KLHL13: variants seen among roughly 807,000 people sequenced by gnomAD.
KLHL13 encodes kelch like family member 13.
KLHL13 carries 10 observed loss-of-function variants against 37.1 expected under a neutral mutation model. That is an observed-to-expected ratio of 0.27 (90% CI 0.17 to 0.46). The LOEUF (loss-of-function observed/expected upper bound fraction) is 0.46. KLHL13 is among the 20% of genes least tolerant of loss of function. The probability of loss-of-function intolerance (pLI) is 1.00; values close to 1 mark genes in which losing one functional copy is unlikely to be tolerated. For missense variants in KLHL13, 360 were observed against 509.3 expected, an observed-to-expected ratio of 0.71 and a Z score of 2.82; for synonymous variants, 163 against 181.2, an observed-to-expected ratio of 0.90 and a Z score of 0.81.
At chrX:117,995,678 AG>A (rs2053846933) in intron 1 of KLHL13, among the ~76,000 whole-genome samples, 1 of 111,296 alleles carries the variant, frequency 9.0e-6, no homozygotes, top group Admixed American at 9.6e-5. Context: ...CCCTGCCCCT[AG>A]CCCCTTGCAT....
At chrX:117,999,671 A>T (rs2053897908) in intron 1 of KLHL13, among the ~76,000 whole-genome samples, 1 of 110,371 alleles carries the variant, frequency 9.1e-6, no homozygotes, top group Non-Finnish European at 1.9e-5. Context: ...GTGCACATGT[A>T]CCCTAAAACT....
chrX:117,966,306 A>T (rs1275954623), intron 1 of KLHL13, among the ~76,000 whole-genome samples: 1 of 111,700 alleles, frequency 9.0e-6, no homozygotes, highest in Admixed American at 9.5e-5. Flanking sequence ...ACTCCCATTC[A>T]CAATTGCTTC....
At chrX:118,067,195 T>C (rs1335482464) in intron 1 of KLHL13, among the ~76,000 whole-genome samples, 1 of 112,205 alleles carries the variant, frequency 8.9e-6, no homozygotes, top group Non-Finnish European at 1.9e-5. Flanking sequence ...TAGGCAACTG[T>C]AACATAATAG....
At chrX:118,101,366 C>A (rs1425671959) in intron 1 of KLHL13, among the ~76,000 whole-genome samples, 1 of 111,451 alleles carries the variant, frequency 9.0e-6, no homozygotes, top group Non-Finnish European at 1.9e-5. Context: ...GAGCAGGTAT[C>A]ATGACAGACA....
intron 1 of KLHL13, among the ~76,000 whole-genome samples, chrX:118,000,798 T>G (rs1032074587): frequency 7.2e-5 from 8 of 111,619 alleles, no homozygotes; most frequent in African/African-American, 2.3e-4. Flanking sequence ...AATATTCTTA[T>G]ATTTCACTGC....
chrX:117,950,397 G>A (rs933223243), intron 1 of KLHL13, among the ~76,000 whole-genome samples: 5 of 111,734 alleles, frequency 4.5e-5, no homozygotes, highest in African/African-American at 1.3e-4. Flanking sequence ...AACCTGGGGG[G>A]CGGAGGGTGC....
chrX:117,926,296 C>T (rs1441754073), intron 2 of KLHL13, among the ~76,000 whole-genome samples: 1 of 111,256 alleles, frequency 9.0e-6, no homozygotes. Flanking sequence ...GGAACCCAGG[C>T]AAAACCTAGT....
At chrX:117,926,776 C>G (rs760127602) in intron 2 of KLHL13, among the ~76,000 whole-genome samples, 2 of 108,625 alleles carry the variant, frequency 1.8e-5, no homozygotes, top group Non-Finnish European at 3.8e-5. Flanking sequence ...CACCCCACCC[C>G]CTATCTTATA....
intron 1 of KLHL13, among the ~76,000 whole-genome samples, chrX:118,108,485 C>T (rs2055369992): frequency 8.9e-6 from 1 of 112,360 alleles, no homozygotes; most frequent in Non-Finnish European, 1.9e-5. Flanking sequence ...TAAACCATCA[C>T]GTTGTAACAG....
chrX:117,926,885 C>CTTTTTTTTTTTTTT lies in KLHL13; in HGVS notation c.241-6529_241-6516dup, dbSNP rs10596292. The stretch of plus-strand genomic sequence containing the variant: ...AAGCTCCAGGAGAAGCCCCCTACTT[C>CTTTTTTTTTTTTTT]TTTTTTTTTTTTTTTTTTTTTTTTT... On this transcript the variant is annotated intron_variant, in intron 2 of 6. Transcript: ENST00000262820. Among the ~76,000 whole-genome samples the CTTTTTTTTTTTTTT allele has an allele frequency of 1.9e-4, 5 of 26,164 alleles. 1 individual carries two copies. Among genetic ancestry groups the CTTTTTTTTTTTTTT allele is most frequent in the Non-Finnish European group, 3.3e-4 (4 of 12,098 alleles). The allele number at this position is 26,164 out of a possible 115,157, so 22.7% of individuals were successfully genotyped here.
intron 1 of KLHL13, among the ~76,000 whole-genome samples, chrX:118,078,840 A>G (rs1309911542): frequency 8.9e-6 from 1 of 111,782 alleles, no homozygotes; most frequent in Admixed American, 9.5e-5. Context: ...AAACTGCCAA[A>G]TTGTTTTCCA....
intron 1 of KLHL13, among the ~76,000 whole-genome samples, chrX:118,063,076 T>C (rs1364834582): frequency 2.7e-5 from 3 of 111,282 alleles, no homozygotes; most frequent in Non-Finnish European, 5.7e-5. Context: ...CAGCCTAGCA[T>C]TGGGGTTAAG....
chrX:118,029,901 G>A (rs2054317374), intron 1 of KLHL13, among the ~76,000 whole-genome samples: 1 of 111,024 alleles, frequency 9.0e-6, no homozygotes, highest in African/African-American at 3.3e-5. Context: ...CCAAGAGGCA[G>A]AGGTTGCAGT....
chrX:117,974,285 T>C (rs769896073), upstream of KLHL13, among the ~76,000 whole-genome samples: 4 of 111,760 alleles, frequency 3.6e-5, no homozygotes, highest in Non-Finnish European at 3.8e-5. Flanking sequence ...AACAGAATTA[T>C]CCATTTCCAT....
At chrX:117,972,664 C>T in intron 1 of KLHL13, 2 of 981,685 alleles carry the variant, frequency 2.0e-6, no homozygotes, top group South Asian at 4.3e-5. Flanking sequence ...CTCCCCCGCC[C>T]CCATTTTGCC....
Position 117,937,319 on chromosome X carries a change from G to A in KLHL13, c.240+8115C>T, listed in dbSNP as rs184429015. ...AGGGTTTTAATAGCAACATAGAGTGGTATCTCTATGGTACCACAGGAAATA... is the reference window on the plus strand; with the variant it reads ...AGGGTTTTAATAGCAACATAGAGTGATATCTCTATGGTACCACAGGAAATA... On this transcript the variant is annotated intron_variant, in intron 2 of 6. Coordinates refer to ENST00000262820, the Ensembl canonical transcript of KLHL13. Among the ~76,000 whole-genome samples, 823 of 111,111 alleles carry A rather than the reference G, an allele frequency of 7.4e-3. 7 individuals are homozygous for A. Among genetic ancestry groups the A allele is most frequent in the African/African-American group, 0.026 (791 of 30,603 alleles).
chrX:118,073,814 C>G (rs1286360601), intron 1 of KLHL13, among the ~76,000 whole-genome samples: 2 of 111,520 alleles, frequency 1.8e-5, no homozygotes, highest in African/African-American at 6.5e-5. Context: ...CTCTTCCTTG[C>G]CAGTAACTGT....
chrX:118,071,443 G>A (rs1265929054), intron 1 of KLHL13, among the ~76,000 whole-genome samples: 3 of 111,520 alleles, frequency 2.7e-5, no homozygotes, highest in Non-Finnish European at 5.6e-5. Context: ...TTTAATGATT[G>A]CCATTCTAAC....
At chrX:118,089,838 G>T (rs1277272267) in intron 1 of KLHL13, among the ~76,000 whole-genome samples, 3 of 110,239 alleles carry the variant, frequency 2.7e-5, no homozygotes, top group African/African-American at 6.6e-5. Context: ...CAGCATTTTG[G>T]GAGGTCAAGG....
Sources: gnomAD v4.1 joint callset for allele counts (sites outside exome capture counted in the v4.1 genomes callset) on GRCh38, gnomAD v4.1.1 for gene constraint, MANE v1.5 for transcripts, NCBI Gene and HGNC (gene_info 2026-07-23, HGNC 2026-07-21) for gene names.